The following IMMP2L variants were observed in gnomAD, a reference collection of about 807,000 sequenced individuals.
IMMP2L encodes the protein inner mitochondrial membrane peptidase subunit 2, also known as mitochondrial inner membrane protease subunit 2.
A neutral mutation model predicts 19.3 loss-of-function variants in IMMP2L; 18 were observed. The observed-to-expected ratio is 0.93, with a 90% CI of 0.64 to 1.38. The LOEUF (loss-of-function observed/expected upper bound fraction) is 1.38. Among genes scored for constraint, IMMP2L ranks in the 40% most tolerant of loss-of-function variants. The probability of loss-of-function intolerance (pLI) is 0.00; values close to 1 mark genes in which losing one functional copy is unlikely to be tolerated. For synonymous variants in IMMP2L, 76 were observed against 73.0 expected (o/e 1.04, Z -0.21); for missense variants, 233 against 218.2 (o/e 1.07, Z -0.43).
intron 4 of IMMP2L, among the ~76,000 whole-genome samples, chr7:110,909,926 C>A (rs1003162238): frequency 6.9e-6 from 1 of 145,824 alleles, no homozygotes; most frequent in African/African-American, 2.5e-5. Context: ...GAGAGATAGA[C>A]AGAGAGAGAG....
chr7:110,912,170 GCGAGTTATCTATCT>G (rs1421704656), intron 4 of IMMP2L, among the ~76,000 whole-genome samples: 1 of 151,986 alleles, frequency 6.6e-6, no homozygotes, highest in East Asian at 1.9e-4. Flanking sequence ...ATGAAAGAAG[GCGAGTTATCTATCT>G]CCCCATTGCC....
At chr7:111,449,135 G>T (rs981216530) in intron 3 of IMMP2L, among the ~76,000 whole-genome samples, 6 of 148,820 alleles carry the variant, frequency 4.0e-5, no homozygotes, top group African/African-American at 1.5e-4. Context: ...GAGGTACAAG[G>T]AGGAACTGGT....
intron 3 of IMMP2L, among the ~76,000 whole-genome samples, chr7:111,061,730 C>T (rs952964151): frequency 6.6e-6 from 1 of 152,184 alleles, no homozygotes; most frequent in Non-Finnish European, 1.5e-5. Flanking sequence ...TTCCAAAACA[C>T]ATCAATTCTC....
At chr7:110,911,596 G>A (rs1813062755) in intron 4 of IMMP2L, among the ~76,000 whole-genome samples, 1 of 152,094 alleles carries the variant, frequency 6.6e-6, no homozygotes, top group Non-Finnish European at 1.5e-5. Flanking sequence ...GCTAAAAAGA[G>A]GCTGAAACAG....
At chr7:110,988,713 A>C (rs1341983160) in intron 3 of IMMP2L, among the ~76,000 whole-genome samples, 1 of 152,166 alleles carries the variant, frequency 6.6e-6, no homozygotes, top group Non-Finnish European at 1.5e-5. Flanking sequence ...AAAAGATTAA[A>C]AATAATCCAA....
At chr7:111,381,147 T>C (rs1831163660) in intron 3 of IMMP2L, among the ~76,000 whole-genome samples, 1 of 151,952 alleles carries the variant, frequency 6.6e-6, no homozygotes, top group Admixed American at 6.6e-5. Context: ...TAGTTTGGTA[T>C]TAGTAGGGTG....
intron 3 of IMMP2L, among the ~76,000 whole-genome samples, chr7:111,112,204 T>A (rs1799317984): frequency 6.6e-6 from 1 of 152,034 alleles, no homozygotes; most frequent in Non-Finnish European, 1.5e-5. Flanking sequence ...CTCAGGTATA[T>A]CCGCCTGACT....
chr7:111,362,364 T>C (rs1372787903), intron 3 of IMMP2L, among the ~76,000 whole-genome samples: 8 of 152,108 alleles, frequency 5.3e-5, no homozygotes, highest in Non-Finnish European at 2.9e-5. Context: ...CTAAGAAATA[T>C]ATGGAAATGT....
chr7:110,872,683 C>T (rs542856222), intron 5 of IMMP2L, among the ~76,000 whole-genome samples: 1 of 152,164 alleles, frequency 6.6e-6, no homozygotes, highest in South Asian at 2.1e-4. Flanking sequence ...GCACTTAACT[C>T]AAGCTAGGCC....
At chr7:110,818,348 C>G (rs1257429110) in intron 5 of IMMP2L, among the ~76,000 whole-genome samples, 1 of 152,062 alleles carries the variant, frequency 6.6e-6, no homozygotes, top group Admixed American at 6.6e-5. Flanking sequence ...ATGCAGCCAA[C>G]AGACACATGA....
At chr7:111,047,699 C>G (rs1259289516) in intron 3 of IMMP2L, among the ~76,000 whole-genome samples, 1 of 152,086 alleles carries the variant, frequency 6.6e-6, no homozygotes. Flanking sequence ...TTGAGACAGA[C>G]AGACTTGGTC....
chr7:111,353,509 A>G (rs193262617), intron 3 of IMMP2L, among the ~76,000 whole-genome samples: 1 of 152,306 alleles, frequency 6.6e-6, no homozygotes, highest in East Asian at 1.9e-4. Flanking sequence ...TATTTCATAT[A>G]GCTCAGCTGC....
chr7:111,525,913 T>C (rs1846798430), intron 1 of IMMP2L, among the ~76,000 whole-genome samples: 1 of 152,084 alleles, frequency 6.6e-6, no homozygotes, highest in African/African-American at 2.4e-5. Context: ...ACGATGGCCC[T>C]GAAGCATGAC....
intron 3 of IMMP2L, among the ~76,000 whole-genome samples, chr7:111,030,809 CATAT>C (rs1351579800): frequency 6.9e-6 from 1 of 145,854 alleles, no homozygotes; most frequent in Non-Finnish European, 1.5e-5. Context: ...TGTGTACATA[CATAT>C]GTGTGTATAT....
intron 3 of IMMP2L, among the ~76,000 whole-genome samples, chr7:110,997,333 T>C (rs926529520): frequency 6.6e-6 from 1 of 152,112 alleles, no homozygotes; most frequent in African/African-American, 2.4e-5. Context: ...TTTTAGGCTA[T>C]TACACATAAA....
chr7:110,923,319 T>C (rs575863049), intron 4 of IMMP2L, among the ~76,000 whole-genome samples: 1 of 152,284 alleles, frequency 6.6e-6, no homozygotes, highest in Non-Finnish European at 1.5e-5. Context: ...GTAAAAAGCA[T>C]TGTTTTGAGA....
At chr7:111,190,721 C>T (rs1808767253) in intron 3 of IMMP2L, among the ~76,000 whole-genome samples, 1 of 152,088 alleles carries the variant, frequency 6.6e-6, no homozygotes, top group South Asian at 2.1e-4. Flanking sequence ...TTTTCACTGA[C>T]ATTACATGAG....
chr7:111,060,419 G>T (rs1162006022), intron 3 of IMMP2L, among the ~76,000 whole-genome samples: 1 of 152,110 alleles, frequency 6.6e-6, no homozygotes. Context: ...TAATACTCAA[G>T]AATTCCACTT....
intron 5 of IMMP2L, among the ~76,000 whole-genome samples, chr7:110,881,750 A>G (rs1809660254): frequency 6.6e-6 from 1 of 152,232 alleles, no homozygotes; most frequent in African/African-American, 2.4e-5. Context: ...GTATCACAAG[A>G]TTATTCTGTA....
Sources: gnomAD v4.1 joint callset for allele counts (sites outside exome capture counted in the v4.1 genomes callset) on GRCh38, gnomAD v4.1.1 for gene constraint, MANE v1.5 for transcripts, NCBI Gene and HGNC (gene_info 2026-07-23, HGNC 2026-07-21) for gene names.